The following CD99 variants were observed in gnomAD, a reference collection of about 807,000 sequenced individuals.
CD99 encodes the protein CD99 antigen.
In CD99, 19 loss-of-function variants were observed where a neutral mutation model predicts 28.4. The ratio of observed to expected loss-of-function variants is 0.67; its 90% CI spans 0.47 to 0.98. The LOEUF (loss-of-function observed/expected upper bound fraction) is 0.98, where lower values mean the gene tolerates loss of function less well. Among genes scored for constraint, CD99 ranks in the 50% least tolerant of loss-of-function variants. The pLI, the probability that CD99 is intolerant of heterozygous loss-of-function variation, is 0.00. For synonymous variants in CD99, 103 were observed against 92.1 expected (o/e 1.12, Z -0.67); for missense variants, 283 against 248.8 (o/e 1.14, Z -0.92).
chrX:2,707,832 T>C (rs2048195896), intron 1 of CD99, among the ~76,000 whole-genome samples: 2 of 152,180 alleles, frequency 1.3e-5, no homozygotes, highest in Admixed American at 1.3e-4. Flanking sequence ...GGTGTTTTCT[T>C]CACATTTGTA....
chrX:2,698,185 C>CTT (rs749180860), intron 1 of CD99, among the ~76,000 whole-genome samples: 2,099 of 134,778 alleles, frequency 0.016, 57 homozygotes, highest in East Asian at 0.082. Context: ...TTCTTTGTTT[C>CTT]TTTTTTTTTT....
In CD99 at chrX:2,740,848, GA is replaced by G; in HGVS notation, c.*46del. ...AGCCCAGGCGTTGGCAGCAGGGTTAGAACAGCTGCCTGAGGCTCCTCCCTGA... is the reference window on the plus strand; with the variant it reads ...AGCCCAGGCGTTGGCAGCAGGGTTAGACAGCTGCCTGAGGCTCCTCCCTGA... On this transcript the variant is annotated 3_prime_UTR_variant, in exon 10 of 10. Coordinates refer to ENST00000381192, the MANE Select transcript of CD99 (RefSeq NM_002414.5). 1 of 1,609,944 alleles carries G rather than the reference GA, an allele frequency of 6.2e-7. No homozygotes were observed. The highest frequency in any genetic ancestry group is 8.5e-7 in the Non-Finnish European group (1 of 1,176,236).
intron 1 of CD99, among the ~76,000 whole-genome samples, chrX:2,703,338 G>T (rs1290606466): frequency 6.6e-6 from 1 of 152,154 alleles, no homozygotes; most frequent in Non-Finnish European, 1.5e-5. Context: ...ATACACATTT[G>T]ATGAGCGTCA....
intron 9 of CD99, 105 bp downstream of exon 9, chrX:2,738,361 T>G: frequency 2.8e-5 from 29 of 1,035,436 alleles, no homozygotes; most frequent in Non-Finnish European, 4.2e-5. Context: ...TCAAATTTGG[T>G]TGCATGGCTT....
intron 1 of CD99, among the ~76,000 whole-genome samples, chrX:2,707,157 C>A (rs1603267670): frequency 1.3e-5 from 2 of 152,110 alleles, no homozygotes; most frequent in African/African-American, 4.8e-5. Context: ...TGGCGAAACT[C>A]CATCTCTACT....
chrX:2,734,771 G>A (rs1488461511), intron 8 of CD99, among the ~76,000 whole-genome samples: 3 of 138,202 alleles, frequency 2.2e-5, no homozygotes, highest in African/African-American at 5.4e-5. Context: ...TGACTTTTCT[G>A]ATTTCTTTTT....
intron 8 of CD99, among the ~76,000 whole-genome samples, chrX:2,736,498 C>T (rs1201011511): frequency 2.0e-5 from 3 of 152,028 alleles, no homozygotes; most frequent in East Asian, 3.9e-4. Flanking sequence ...GAAGCGACAC[C>T]GACAACATTT....
chrX:2,709,697 A>AACATAGACACGCACATGCATGT (rs2048303450), intron 1 of CD99, among the ~76,000 whole-genome samples: 1 of 151,812 alleles, frequency 6.6e-6, no homozygotes, highest in Non-Finnish European at 1.5e-5. Context: ...CACATGCATG[A>AACATAGACACGCACATGCATGT]ACATAGACAC....
In CD99 at chrX:2,691,396, C is replaced by T. The variant is rs1424668549; in HGVS notation, c.36C>T (p.Phe12=). Residue 12 remains phenylalanine, a synonymous_variant, in exon 1 of 10, where the codon TTC becomes TTT. Coordinates refer to ENST00000381192, the MANE Select transcript of CD99 (RefSeq NM_002414.5). The part of the protein sequence containing the change: ...ARGAALALLL[F]GLLGVLVAAP... ...GGGCTGCGCTGGCGCTGCTGCTCTT[C>T]GGCCTGCTGGGTGTTCTGGTCGCCG... 3.8e-6 allele frequency: 6 copies of T among 1,584,016 alleles called. No homozygotes were observed. The African/African-American group carries it at 4.1e-5, about 11-fold the overall frequency.
At chrX:2,739,674 G>C (rs1012278772) in intron 9 of CD99, among the ~76,000 whole-genome samples, 28 of 151,638 alleles carry the variant, frequency 1.8e-4, no homozygotes, top group African/African-American at 6.3e-4. Context: ...GAGTGGTCTC[G>C]AACTCCTGAC....
At chrX:2,713,397 C>T (rs1384341484) in intron 1 of CD99, among the ~76,000 whole-genome samples, 1 of 126,124 alleles carries the variant, frequency 7.9e-6, no homozygotes, top group Non-Finnish European at 1.6e-5. Context: ...ATACACAAAC[C>T]CACACATACA....
intron 7 of CD99, among the ~76,000 whole-genome samples, chrX:2,725,717 G>A (rs2049245058): frequency 6.6e-6 from 1 of 152,134 alleles, no homozygotes; most frequent in Non-Finnish European, 1.5e-5. Context: ...AGGTTCAAGC[G>A]ATTCTCTGGA....
intron 8 of CD99, among the ~76,000 whole-genome samples, chrX:2,727,579 T>C (rs1477292480): frequency 3.9e-5 from 6 of 152,106 alleles, no homozygotes; most frequent in African/African-American, 9.7e-5. Context: ...CAGGTTCAAG[T>C]GATTCTCCTG....
intron 1 of CD99, among the ~76,000 whole-genome samples, chrX:2,699,049 C>T (rs1201653251): frequency 3.9e-5 from 6 of 152,122 alleles, no homozygotes; most frequent in Middle Eastern, 3.4e-3. Flanking sequence ...ACCTCAGCCT[C>T]GAAAGAAGCT....
At chrX:2,713,248 ACT>A (rs1396077215) in intron 1 of CD99, among the ~76,000 whole-genome samples, 2 of 151,904 alleles carry the variant, frequency 1.3e-5, no homozygotes, top group Non-Finnish European at 2.9e-5. Context: ...ACACCTACAC[ACT>A]GTGCACACCT....
At chrX:2,737,686 G>T (rs1452963695) in intron 8 of CD99, among the ~76,000 whole-genome samples, 1 of 151,558 alleles carries the variant, frequency 6.6e-6, no homozygotes, top group African/African-American at 2.4e-5. Flanking sequence ...AGTAGAGACG[G>T]GGTTTCACCA....
chrX:2,716,673 T>C (rs2048736838), intron 2 of CD99, among the ~76,000 whole-genome samples: 1 of 152,226 alleles, frequency 6.6e-6, no homozygotes, highest in Non-Finnish European at 1.5e-5. Flanking sequence ...CGCCAGCTTT[T>C]AATTTTATGT....
At chrX:2,702,729 C>T (rs2047918926) in intron 1 of CD99, among the ~76,000 whole-genome samples, 1 of 152,078 alleles carries the variant, frequency 6.6e-6, no homozygotes, top group Non-Finnish European at 1.5e-5. Context: ...TTATGTTCTT[C>T]TCCTTACCCT....
chrX:2,725,795 G>A lies in CD99; in HGVS notation c.362-465G>A, dbSNP rs1428236438. Reference sequence around the variant, plus strand: ...CTCCCGGCTAATTTTTGTATTTTTCGTAGAGACGGGTTTTACCATGTTGAC... The same window carrying A: ...CTCCCGGCTAATTTTTGTATTTTTCATAGAGACGGGTTTTACCATGTTGAC... On this transcript the variant is annotated intron_variant, in intron 7 of 9. Coordinates refer to ENST00000381192, the MANE Select transcript of CD99 (RefSeq NM_002414.5). 2.0e-5 allele frequency among the ~76,000 whole-genome samples: 3 copies of A among 152,026 alleles called. No homozygotes were observed. In the East Asian group the frequency reaches 5.8e-4, roughly 29 times the overall value.
Sources: gnomAD v4.1 joint callset for allele counts (sites outside exome capture counted in the v4.1 genomes callset) on GRCh38, gnomAD v4.1.1 for gene constraint, MANE v1.5 for transcripts, NCBI Gene and HGNC (gene_info 2026-07-23, HGNC 2026-07-21) for gene names.